Variants in SEMA6D observed in about 807,000 individuals in gnomAD.
SEMA6D encodes the protein semaphorin-6D.
Under a neutral mutation model 106.6 loss-of-function variants are expected in SEMA6D, and 35 were observed. That is an observed-to-expected ratio of 0.33 (90% CI 0.25 to 0.44). The LOEUF (loss-of-function observed/expected upper bound fraction) is 0.44. Among genes scored for constraint, SEMA6D ranks in the 20% least tolerant of loss-of-function variants. The pLI is 1.00. For missense variants in SEMA6D, 1,185 were observed against 1,345.9 expected (o/e 0.88, Z 1.87); for synonymous variants, 499 against 487.7 (o/e 1.02, Z -0.31).
intron 2 of SEMA6D, among the ~76,000 whole-genome samples, chr15:47,436,769 AT>A (rs1555439463): frequency 0.18 from 17,592 of 95,540 alleles, 1,276 homozygotes; most frequent in African/African-American, 0.29. Context: ...AAAAAAAAAA[AT>A]ATATATATAT....
At chr15:47,526,580 T>A (rs1228865631) in intron 3 of SEMA6D, among the ~76,000 whole-genome samples, 1 of 152,136 alleles carries the variant, frequency 6.6e-6, no homozygotes, top group Non-Finnish European at 1.5e-5. Context: ...GCATATTTAA[T>A]TTGGAATCTG....
intron 4 of SEMA6D, among the ~76,000 whole-genome samples, chr15:47,620,022 G>C (rs2144158526): frequency 6.6e-6 from 1 of 152,204 alleles, no homozygotes; most frequent in Non-Finnish European, 1.5e-5. Flanking sequence ...TCTTAGAAAA[G>C]GGGTTGCGGT....
intron 3 of SEMA6D, among the ~76,000 whole-genome samples, chr15:47,588,592 T>C (rs2076384080): frequency 6.6e-6 from 1 of 152,310 alleles, no homozygotes; most frequent in African/African-American, 2.4e-5. Flanking sequence ...ACAGAGAGCC[T>C]CCCTTGCAGG....
chr15:47,280,411 T>C (rs2142500786), intron 1 of SEMA6D, among the ~76,000 whole-genome samples: 1 of 151,078 alleles, frequency 6.6e-6, no homozygotes, highest in East Asian at 2.0e-4. Context: ...ATTTGATTCT[T>C]CTCTCTTTTT....
chr15:47,228,905 C>T (rs1437992098), intron 1 of SEMA6D, among the ~76,000 whole-genome samples: 2 of 152,032 alleles, frequency 1.3e-5, no homozygotes, highest in African/African-American at 4.8e-5. Context: ...GTATCCATCA[C>T]AGCTCCTAGA....
At chr15:47,647,449 G>T (rs1404498090) in intron 4 of SEMA6D, among the ~76,000 whole-genome samples, 1 of 152,100 alleles carries the variant, frequency 6.6e-6, no homozygotes, top group Middle Eastern at 3.2e-3. Flanking sequence ...TAAGTTATAG[G>T]GGTTACACTA....
chr15:47,606,816 G>A (rs2076791456), intron 4 of SEMA6D, among the ~76,000 whole-genome samples: 1 of 152,138 alleles, frequency 6.6e-6, no homozygotes, highest in African/African-American at 2.4e-5. Context: ...TGAAACAAAA[G>A]CTTGCTTGAA....
chr15:47,552,381 T>C (rs927356650), intron 3 of SEMA6D, among the ~76,000 whole-genome samples: 4 of 151,968 alleles, frequency 2.6e-5, no homozygotes, highest in Non-Finnish European at 4.4e-5. Context: ...ATATTTCCTT[T>C]TCTATGGTTT....
intron 4 of SEMA6D, among the ~76,000 whole-genome samples, chr15:47,609,685 C>T (rs185423301): frequency 1.5e-3 from 224 of 152,290 alleles, no homozygotes; most frequent in Admixed American, 2.7e-3. Context: ...TCTTTATCCC[C>T]GTAACCCAAT....
intron 4 of SEMA6D, among the ~76,000 whole-genome samples, chr15:47,704,310 T>G (rs2078871794): frequency 6.6e-6 from 1 of 152,316 alleles, no homozygotes; most frequent in South Asian, 2.1e-4. Context: ...TTCTATGCAT[T>G]AAGTGTTAAT....
At chr15:47,263,525 A>G (rs551285211) in intron 1 of SEMA6D, among the ~76,000 whole-genome samples, 16 of 152,290 alleles carry the variant, frequency 1.1e-4, no homozygotes, top group East Asian at 3.9e-4. Flanking sequence ...CAGAATGACT[A>G]TTATTAAAAA....
At chr15:47,190,918 G>T (rs943606305) in intron 1 of SEMA6D, among the ~76,000 whole-genome samples, 2 of 152,024 alleles carry the variant, frequency 1.3e-5, no homozygotes, top group Admixed American at 6.6e-5. Flanking sequence ...ACCTGTAATC[G>T]CAGAACTTTG....
chr15:47,269,877 A>T (rs529116311), intron 1 of SEMA6D, among the ~76,000 whole-genome samples: 30 of 152,062 alleles, frequency 2.0e-4, no homozygotes, highest in South Asian at 8.3e-4. Context: ...GAATTAGCTC[A>T]TATATACATT....
chr15:47,645,072 G>C (rs551525320), intron 4 of SEMA6D, among the ~76,000 whole-genome samples: 1 of 152,174 alleles, frequency 6.6e-6, no homozygotes, highest in African/African-American at 2.4e-5. Flanking sequence ...ACATCAGCCT[G>C]TCCAGGAAAG....
intron 1 of SEMA6D, among the ~76,000 whole-genome samples, chr15:47,277,509 CTG>C (rs1332518698): frequency 6.6e-6 from 1 of 151,800 alleles, no homozygotes; most frequent in African/African-American, 2.4e-5. Context: ...AGCAGAAAGA[CTG>C]TGACTCAGTG....
chr15:47,467,147 T>A (rs1378734529), intron 2 of SEMA6D, among the ~76,000 whole-genome samples: 2 of 152,262 alleles, frequency 1.3e-5, no homozygotes, highest in African/African-American at 4.8e-5. Context: ...ATTTTTGTTC[T>A]TGTTTAGAAA....
At chr15:47,204,906 A>G (rs1237708787) in intron 1 of SEMA6D, among the ~76,000 whole-genome samples, 1 of 152,106 alleles carries the variant, frequency 6.6e-6, no homozygotes, top group Non-Finnish European at 1.5e-5. Flanking sequence ...AGGGATTTGA[A>G]CCCAAAAAAG....
chr15:47,630,478 T>C (rs1394026083), intron 4 of SEMA6D, among the ~76,000 whole-genome samples: 1 of 151,836 alleles, frequency 6.6e-6, no homozygotes, highest in Non-Finnish European at 1.5e-5. Context: ...CACTTATTAG[T>C]TCTAGGACTT....
At chr15:47,247,481 A>G (rs760234140) in intron 1 of SEMA6D, among the ~76,000 whole-genome samples, 13 of 152,326 alleles carry the variant, frequency 8.5e-5, no homozygotes, top group Admixed American at 3.3e-4. Context: ...ATAAAAATGT[A>G]TAGGAGCCTA....
Sources: gnomAD v4.1 joint callset for allele counts (sites outside exome capture counted in the v4.1 genomes callset) on GRCh38, gnomAD v4.1.1 for gene constraint, MANE v1.5 for transcripts, NCBI Gene and HGNC (gene_info 2026-07-23, HGNC 2026-07-21) for gene names.